NOTCH2: variants seen among roughly 807,000 people sequenced by gnomAD.
NOTCH2 encodes neurogenic locus notch homolog protein 2.
NOTCH2 carries 29 observed loss-of-function variants against 235.8 expected under a neutral mutation model. The ratio of observed to expected loss-of-function variants is 0.12; its 90% CI spans 0.09 to 0.17. The LOEUF is 0.17. Ranked by LOEUF, NOTCH2 falls within the 10% of genes least tolerant of loss-of-function variation. The probability of loss-of-function intolerance (pLI) is 1.00; values close to 1 mark genes in which losing one functional copy is unlikely to be tolerated. For missense variants in NOTCH2, 2,285 were observed against 3,150.2 expected (o/e 0.73, Z 6.57); for synonymous variants, 1,086 against 1,141.5 (o/e 0.95, Z 0.98).
chr1:119,971,290 T>C (rs1459870383), intron 5 of NOTCH2, among the ~76,000 whole-genome samples: 1 of 152,256 alleles, frequency 6.6e-6, no homozygotes, highest in Non-Finnish European at 1.5e-5. Context: ...CGGAACTCCG[T>C]GCTCGGCATA....
intron 2 of NOTCH2, among the ~76,000 whole-genome samples, chr1:120,011,073 T>C (rs1653172000): frequency 6.6e-6 from 1 of 152,036 alleles, no homozygotes. Flanking sequence ...TGCAAAACCG[T>C]AGAGATAGAA....
Position 119,921,778 on chromosome 1 carries a change from G to A in NOTCH2, c.5245C>T (p.Leu1749=), listed in dbSNP as rs767779648. The A allele has an allele frequency of 1.2e-6, 2 of 1,613,988 alleles. No individual in the cohort carries two copies. The highest frequency in any genetic ancestry group is 1.7e-6 in the Non-Finnish European group (2 of 1,179,982). ...NLSVQVSEAN[L]IGTGTSEHWV... is the part of the protein sequence containing the mutation. ...TGTTCACTTGTTCCAGTACCAATTA[G>A]GTTAGCTTCTGAGACTTGCACTGAG... is the stretch of plus-strand genomic sequence containing the variant. The change falls in exon 29 of 34, where the codon CTA becomes TTA. Residue 1749 remains leucine (L), a synonymous_variant. Coordinates refer to ENST00000256646, the MANE Select transcript of NOTCH2 (RefSeq NM_024408.4).
At chr1:119,995,486 C>T (rs761930814) in intron 4 of NOTCH2, 5 of 152,186 alleles carry the variant, frequency 3.3e-5, no homozygotes, top group African/African-American at 9.7e-5. Context: ...GAGATATTTG[C>T]AATATTGAAA....
Position 119,915,187 on chromosome 1 carries a change from T to C in NOTCH2, c.*119A>G. 9.5e-6 allele frequency: 10 copies of C among 1,055,354 alleles called. No individual in the cohort carries two copies. The highest frequency in any genetic ancestry group is 5.8e-6 in the Non-Finnish European group (4 of 687,822). 65.4% of individuals were successfully genotyped at this position (1,055,354 alleles called of 1,614,324 possible). On this transcript the variant is annotated 3_prime_UTR_variant, in exon 34 of 34. Coordinates refer to ENST00000256646, the MANE Select transcript of NOTCH2 (RefSeq NM_024408.4). ...TTATCTGAATAAGAACATCTTCTCT[T>C]TCCTACCTCTAGAAGCTGGCTCCAG...
chr1:119,914,875 A>T lies in NOTCH2; in HGVS notation c.*431T>A. 1 of 340,460 alleles carries T rather than the reference A, an allele frequency of 2.9e-6. No homozygotes were observed. Among genetic ancestry groups the T allele is most frequent in the Non-Finnish European group, 5.4e-6 (1 of 183,546 alleles). 21.1% of individuals were successfully genotyped at this position (340,460 alleles called of 1,614,324 possible). A position where few individuals can be genotyped will look rare whatever the true frequency, so the allele number is the denominator to read the frequency against. On this transcript the variant is annotated 3_prime_UTR_variant, in exon 34 of 34. Coordinates refer to ENST00000256646, the MANE Select transcript of NOTCH2 (RefSeq NM_024408.4). ...CAAAAGAATGTCCAAGGAGGAGGAGATGCGTAGGTCAATTCAGGCAGAATT... is the reference window on the plus strand; with the variant it reads ...CAAAAGAATGTCCAAGGAGGAGGAGTTGCGTAGGTCAATTCAGGCAGAATT...
At position 120,005,332 on chromosome 1, in the gene NOTCH2, T is replaced by A. The variant is rs587717340; in HGVS notation, c.412A>T (p.Thr138Ser). ...TYECTCQVGF[T>S]GKECQWTDAC... ...TGGCTTTGGTCTCATTAGTTACCTG[T>A]AAACCCGACTTGACAGGTGCACTCA... The change falls in exon 3 of 34, where the codon ACA becomes TCA. Residue 138 changes from threonine (T) to serine (S), a missense_variant. Around this residue, in one of 6 missense-constraint regions of NOTCH2, gnomAD observed 431 missense variants for 757.8 expected, o/e 0.57. Coordinates refer to ENST00000256646, the MANE Select transcript of NOTCH2 (RefSeq NM_024408.4). 1.2e-6 allele frequency: 2 copies of A among 1,614,054 alleles called. No homozygotes were observed. The highest frequency in any genetic ancestry group is 3.3e-5 in the Admixed American group (2 of 60,028).
rs373665797 is a variant in NOTCH2 at position 119,965,583 on chromosome 1, G to A, written c.1568-17C>T. 2.3e-3 allele frequency: 3,443 copies of A among 1,487,926 alleles called. 15 individuals are homozygous for A. Among genetic ancestry groups the A allele is most frequent in the Middle Eastern group, 5.5e-3 (32 of 5,832 alleles). The allele number at this position is 1,487,926 out of a possible 1,614,324, so 92.2% of individuals were successfully genotyped here. On this transcript the variant is annotated splice_polypyrimidine_tract_variant and intron_variant, in intron 9 of 33. Coordinates refer to ENST00000256646, the MANE Select transcript of NOTCH2 (RefSeq NM_024408.4). ...CAGTGAAACCTCAAAAAGGGACAGTGGTAACATGAGTCAAAGGATTATCTT... is the reference window on the plus strand; with the variant it reads ...CAGTGAAACCTCAAAAAGGGACAGTAGTAACATGAGTCAAAGGATTATCTT...
Position 119,916,041 on chromosome 1 carries a change from G to A in NOTCH2, c.6681C>T (p.His2227=), listed in dbSNP as rs1649055365. ...VLPSVSQLLS[H]HHIVSPGSGS... is the part of the protein sequence containing the mutation. ...CACTGCCTGGAGACACAATGTGGTG[G>A]TGGGATAGCAACTGGCTCACTGAGG... The change falls in exon 34 of 34, where the codon CAC becomes CAT. Residue 2227 remains histidine, a synonymous_variant. Transcript: ENST00000256646. 2 of 1,613,696 alleles carry A rather than the reference G, an allele frequency of 1.2e-6. No individual in the cohort carries two copies. The highest frequency in any genetic ancestry group is 1.6e-4 in the Middle Eastern group (1 of 6,084).
intron 1 of NOTCH2, among the ~76,000 whole-genome samples, chr1:120,037,969 A>T (rs1483116515): frequency 2.0e-5 from 3 of 152,170 alleles, no homozygotes; most frequent in African/African-American, 4.8e-5. Context: ...AAATCATTCC[A>T]GTTAGCTGAT....
chr1:119,926,178 C>T (rs923393005), intron 24 of NOTCH2, among the ~76,000 whole-genome samples: 1 of 152,208 alleles, frequency 6.6e-6, no homozygotes. Flanking sequence ...GGCCAAGAAG[C>T]CCCACACATC....
intron 17 of NOTCH2, among the ~76,000 whole-genome samples, chr1:119,947,841 G>A (rs933952380): frequency 1.1e-4 from 17 of 152,128 alleles, no homozygotes; most frequent in African/African-American, 3.9e-4. Flanking sequence ...CAACATGGAC[G>A]GATCTCAAAT....
intron 2 of NOTCH2, among the ~76,000 whole-genome samples, chr1:120,023,749 G>A (rs2691705): frequency 2.9e-5 from 4 of 138,628 alleles, no homozygotes; most frequent in South Asian, 2.6e-4. Flanking sequence ...ATTCACTGGC[G>A]GCCCCTGTAC....
At chr1:120,025,058 G>C (rs1553209677) in intron 2 of NOTCH2, among the ~76,000 whole-genome samples, 1 of 151,902 alleles carries the variant, frequency 6.6e-6, no homozygotes, top group Non-Finnish European at 1.5e-5. Flanking sequence ...AAGAGGAAGA[G>C]TGTGCAAGCA....
At chr1:119,955,690 T>C (rs1258255989) in intron 12 of NOTCH2, among the ~76,000 whole-genome samples, 1 of 152,246 alleles carries the variant, frequency 6.6e-6, no homozygotes, top group Non-Finnish European at 1.5e-5. Context: ...CTGGAATGCT[T>C]AATGAATGGG....
At chr1:119,969,180 T>C (rs587604137) in intron 6 of NOTCH2, among the ~76,000 whole-genome samples, 15 of 152,352 alleles carry the variant, frequency 9.8e-5, no homozygotes, top group African/African-American at 3.6e-4. Flanking sequence ...TGGATCCATT[T>C]ATTAGCCATT....
chr1:120,005,681 C>G lies in NOTCH2; in HGVS notation c.156-93G>C, dbSNP rs587709976. ...ACAATACAGTCCAATCAAGAAAGCA[C>G]GAGATTGTGAATCAACAGACCTACA... On this transcript the variant is annotated intron_variant, in intron 2 of 33. Transcript: ENST00000256646. 8.5e-6 allele frequency: 6 copies of G among 705,916 alleles called. No individual in the cohort carries two copies. In the East Asian group the frequency reaches 1.4e-4, roughly 16 times the overall value. The allele number at this position is 705,916 out of a possible 1,614,324, so 43.7% of individuals were successfully genotyped here.
rs587655323 is a variant in NOTCH2, at chr1:119,972,874, G to C, written c.875-3130C>G. On this transcript the variant is annotated intron_variant, in intron 5 of 33. Coordinates refer to ENST00000256646, the MANE Select transcript of NOTCH2 (RefSeq NM_024408.4). The stretch of plus-strand genomic sequence containing the variant: ...ATATCAAGCCATCTCTGCATGTCTC[G>C]GGCTTCCCAAGGGCACACAGACATG... Among the ~76,000 whole-genome samples, 130 of 152,248 alleles carry C rather than the reference G, an allele frequency of 8.5e-4. 1 individual carries two copies. The highest frequency in any genetic ancestry group is 3.0e-3 in the African/African-American group (125 of 41,542).
At position 119,969,650 on chromosome 1, in the gene NOTCH2, G is replaced by A. The variant is rs781793200; in HGVS notation, c.969C>T (p.Gly323=). ...CACTCCAGCCGTTGACACATACACA[G>A]CCATAGCCTCCATTGCGGTTGGCAC... ...GTCANRNGGY[G]CVCVNGWSGD... is the part of the protein sequence containing the mutation. The change falls in exon 6 of 34, where the codon GGC becomes GGT. Residue 323 remains glycine, a synonymous_variant. Coordinates refer to ENST00000256646, the MANE Select transcript of NOTCH2 (RefSeq NM_024408.4). The A allele has an allele frequency of 3.1e-6, 5 of 1,613,982 alleles. No homozygotes were observed. Among genetic ancestry groups the A allele is most frequent in the Non-Finnish European group, 4.2e-6 (5 of 1,180,004 alleles).
chr1:119,964,036 G>A lies in NOTCH2; in HGVS notation c.1682-229C>T, dbSNP rs186039539. On this transcript the variant is annotated intron_variant, in intron 10 of 33. Transcript: ENST00000256646. ...CAAATTTTAGAATTGAAATACCTTCGCAACTGATCAATAATTTCATTGCAG... is the reference window on the plus strand; with the variant it reads ...CAAATTTTAGAATTGAAATACCTTCACAACTGATCAATAATTTCATTGCAG... Among the ~76,000 whole-genome samples, 350 of 152,242 alleles carry A rather than the reference G, an allele frequency of 2.3e-3. No individual in the cohort carries two copies. In the Middle Eastern group the frequency reaches 0.024, roughly 10 times the overall value.
Sources: gnomAD v4.1 joint callset for allele counts (sites outside exome capture counted in the v4.1 genomes callset) on GRCh38, gnomAD v4.1.1 for gene constraint, gnomAD v4.1.1 regional missense constraint, MANE v1.5 for transcripts, NCBI Gene and HGNC (gene_info 2026-07-23, HGNC 2026-07-21) for gene names.